GLIS3: variants seen among roughly 807,000 people sequenced by gnomAD.
GLIS3 encodes the protein zinc finger protein GLIS3.
In GLIS3, 53 loss-of-function variants were observed where a neutral mutation model predicts 78.6. The ratio of observed to expected loss-of-function variants is 0.67; its 90% CI spans 0.54 to 0.85. The LOEUF is 0.85. Ranked by LOEUF, GLIS3 falls within the 40% of genes least tolerant of loss-of-function variation. GLIS3 has a pLI of 0.00. For synonymous variants in GLIS3, 684 were observed against 509.9 expected (o/e 1.34, Z -4.60); for missense variants, 1,703 against 1,231.1 (o/e 1.38, Z -5.74).
chr9:4,395,361 C>T, the GLIS3 span, among the ~76,000 whole-genome samples: 1 of 152,076 alleles, frequency 6.6e-6, no homozygotes, highest in Admixed American at 6.5e-5. Context: ...TTTTCTTTTT[C>T]TCCCTTCTCA....
intron 4 of GLIS3, among the ~76,000 whole-genome samples, chr9:3,981,512 C>T (rs894935530): frequency 2.6e-5 from 4 of 152,240 alleles, no homozygotes; most frequent in South Asian, 2.1e-4. Flanking sequence ...CCCCATGAGT[C>T]CGGGTTAAGT....
At chr9:3,945,716 G>A (rs1371303061) in intron 4 of GLIS3, among the ~76,000 whole-genome samples, 1 of 152,180 alleles carries the variant, frequency 6.6e-6, no homozygotes, top group Non-Finnish European at 1.5e-5. Flanking sequence ...TATGACTTTA[G>A]TTTCTCCAAA....
intron 4 of GLIS3, among the ~76,000 whole-genome samples, chr9:3,989,654 G>A (rs1820060366): frequency 6.6e-6 from 1 of 152,164 alleles, no homozygotes; most frequent in Non-Finnish European, 1.5e-5. Flanking sequence ...ATGAGTCCAT[G>A]TATGCAACAT....
intron 1 of GLIS3, among the ~76,000 whole-genome samples, chr9:4,289,868 G>A (rs551183271): frequency 9.2e-5 from 14 of 152,118 alleles, no homozygotes; most frequent in Non-Finnish European, 1.9e-4. Context: ...ACACACTTCT[G>A]TAAATCAGGT....
the GLIS3 span, among the ~76,000 whole-genome samples, chr9:4,402,663 T>G: frequency 6.6e-6 from 1 of 152,156 alleles, no homozygotes; most frequent in East Asian, 1.9e-4. Flanking sequence ...ATTCTAGAGT[T>G]GGAAAATGCA....
intron 6 of GLIS3, among the ~76,000 whole-genome samples, chr9:3,906,788 G>A (rs1823731207): frequency 6.6e-6 from 1 of 152,160 alleles, no homozygotes; most frequent in Non-Finnish European, 1.5e-5. Context: ...TAACACGCAA[G>A]TCTCAAAAGG....
chr9:4,373,405 G>A, the GLIS3 span, among the ~76,000 whole-genome samples: 815 of 152,252 alleles, frequency 5.4e-3, 11 homozygotes, highest in African/African-American at 0.018. Flanking sequence ...TAGGGGATGC[G>A]GATGGGAGGT....
intron 6 of GLIS3, among the ~76,000 whole-genome samples, chr9:3,909,595 A>G (rs1823992760): frequency 6.6e-6 from 1 of 152,222 alleles, no homozygotes; most frequent in African/African-American, 2.4e-5. Flanking sequence ...TCCATAGCTG[A>G]TTAATGAGCA....
chr9:4,013,661 G>T (rs571177455), intron 4 of GLIS3, among the ~76,000 whole-genome samples: 19 of 152,156 alleles, frequency 1.2e-4, no homozygotes, highest in Non-Finnish European at 2.2e-4. Context: ...GTTATTCTCT[G>T]GGTAGAAAGT....
chr9:3,843,811 A>G (rs1409394396), intron 9 of GLIS3, among the ~76,000 whole-genome samples: 1 of 152,178 alleles, frequency 6.6e-6, no homozygotes, highest in Non-Finnish European at 1.5e-5. Flanking sequence ...ATGGCAAGGA[A>G]ATTTAAGAAC....
chr9:4,231,816 A>G (rs1822278831), intron 2 of GLIS3, among the ~76,000 whole-genome samples: 1 of 152,198 alleles, frequency 6.6e-6, no homozygotes, highest in Non-Finnish European at 1.5e-5. Flanking sequence ...CCTACTACTC[A>G]CAGACCCATA....
rs1236401669 is a variant in GLIS3 at position 3,867,340 on chromosome 9, GTGTACA to G, written c.2298-11162_2298-11157del. Among the ~76,000 whole-genome samples the G allele has an allele frequency of 7.9e-5, 12 of 152,310 alleles. No individual in the cohort carries two copies. The South Asian group carries it at 2.1e-3, about 26-fold the overall frequency. ...ACCAATGTCATCTATTTCCTTATAA[GTGTACA>G]TGTGACTTCCAGGAGCATATCAGGG... is the stretch of plus-strand genomic sequence containing the variant. On this transcript the variant is annotated intron_variant, in intron 8 of 10. Coordinates refer to ENST00000381971, the MANE Select transcript of GLIS3 (RefSeq NM_001042413.2).
intron 2 of GLIS3, among the ~76,000 whole-genome samples, chr9:4,261,859 T>C (rs150708436): frequency 1.3e-5 from 2 of 152,162 alleles, no homozygotes; most frequent in African/African-American, 2.4e-5. Flanking sequence ...TGAACAGATA[T>C]GGACTTCTTT....
intron 8 of GLIS3, among the ~76,000 whole-genome samples, chr9:3,863,580 A>G (rs372183225): frequency 2.0e-5 from 3 of 152,244 alleles, no homozygotes; most frequent in African/African-American, 4.8e-5. Context: ...ATAAGGTTGG[A>G]AAAGACCAGG....
At chr9:4,284,042 A>C (rs756089071) in intron 2 of GLIS3, among the ~76,000 whole-genome samples, 2 of 152,234 alleles carry the variant, frequency 1.3e-5, no homozygotes, top group African/African-American at 2.4e-5. Context: ...CTGAGAATTC[A>C]CTAGCACCTG....
chr9:4,380,875 A>C, the GLIS3 span, among the ~76,000 whole-genome samples: 5 of 152,324 alleles, frequency 3.3e-5, no homozygotes, highest in Admixed American at 6.5e-5. Context: ...CTTATCTCTC[A>C]AAATGTCTCT....
At chr9:4,195,476 G>A (rs1259226834) in intron 2 of GLIS3, among the ~76,000 whole-genome samples, 3 of 152,228 alleles carry the variant, frequency 2.0e-5, no homozygotes, top group African/African-American at 7.2e-5. Flanking sequence ...GGGTCCCCCA[G>A]CACTGCCGGC....
intron 2 of GLIS3, among the ~76,000 whole-genome samples, chr9:4,257,722 T>C (rs7872602): frequency 0.68 from 102,870 of 151,324 alleles, 35,477 homozygotes; most frequent in African/African-American, 0.77. Flanking sequence ...TACAGGTGCC[T>C]GCCACCACGC....
intron 2 of GLIS3, among the ~76,000 whole-genome samples, chr9:4,313,562 A>C (rs1312518371): frequency 6.6e-6 from 1 of 152,162 alleles, no homozygotes; most frequent in Non-Finnish European, 1.5e-5. Context: ...TTGTCAGATT[A>C]ATGGTCCTGG....
Sources: gnomAD v4.1 joint callset for allele counts (sites outside exome capture counted in the v4.1 genomes callset) on GRCh38, gnomAD v4.1.1 for gene constraint, MANE v1.5 for transcripts, NCBI Gene and HGNC (gene_info 2026-07-23, HGNC 2026-07-21) for gene names.